STK32A: variants seen among roughly 807,000 people sequenced by gnomAD.
STK32A encodes the protein serine/threonine-protein kinase 32A.
A neutral mutation model predicts 53.2 loss-of-function variants in STK32A; 41 were observed. The ratio of observed to expected loss-of-function variants is 0.77; its 90% confidence interval spans 0.60 to 1.00. STK32A has a LOEUF of 1.00. STK32A is among the 50% of genes least tolerant of loss of function. The probability of loss-of-function intolerance (pLI) is 0.00; values close to 1 mark genes in which losing one functional copy is unlikely to be tolerated. For synonymous variants in STK32A, 166 were observed against 162.8 expected, an observed-to-expected ratio of 1.02 and a Z score of -0.15; for missense variants, 458 against 485.8, an observed-to-expected ratio of 0.94 and a Z score of 0.54.
chr5:147,300,916 A>C (rs1259303092), intron 4 of STK32A, among the ~76,000 whole-genome samples: 1 of 152,226 alleles, frequency 6.6e-6, no homozygotes, highest in Non-Finnish European at 1.5e-5. Context: ...GACTTTACAC[A>C]ACAACTGAGT....
chr5:147,323,748 G>C, intron 4 of STK32A, 150 bp from the exon 5 acceptor site: 1 of 607,282 alleles, frequency 1.6e-6, no homozygotes, highest in Non-Finnish European at 2.9e-6. Flanking sequence ...AAGGCCTAAG[G>C]TGATAGAGCT....
intron 4 of STK32A, among the ~76,000 whole-genome samples, chr5:147,298,560 T>C (rs1447891728): frequency 6.6e-6 from 1 of 152,224 alleles, no homozygotes; most frequent in Admixed American, 6.5e-5. Context: ...GCATTTCTAA[T>C]GGTGGATCTC....
chr5:147,336,340 C>T (rs185226557), intron 5 of STK32A, among the ~76,000 whole-genome samples: 107 of 152,052 alleles, frequency 7.0e-4, no homozygotes, highest in Non-Finnish European at 1.2e-3. Context: ...CCCTCATCCC[C>T]CACCCCTTCC....
chr5:147,379,836 G>T (rs1386652709), intron 11 of STK32A, among the ~76,000 whole-genome samples: 2 of 152,050 alleles, frequency 1.3e-5, no homozygotes, highest in Non-Finnish European at 2.9e-5. Flanking sequence ...TGATATGTGA[G>T]TCCTAAGATT....
downstream of STK32A, chr5:147,392,777 C>T (rs1309827674): frequency 6.6e-6 from 1 of 152,166 alleles, no homozygotes; most frequent in Admixed American, 6.5e-5. Flanking sequence ...ACAAAGTTCC[C>T]CCAGAGTTTC....
intron 2 of STK32A, among the ~76,000 whole-genome samples, chr5:147,262,044 G>A (rs1754596144): frequency 6.6e-6 from 1 of 152,172 alleles, no homozygotes; most frequent in Admixed American, 6.5e-5. Context: ...CTGTACAAGA[G>A]TAGGTCTTGA....
At chr5:147,284,626 G>A (rs116480535) in intron 4 of STK32A, among the ~76,000 whole-genome samples, 8,583 of 148,858 alleles carry the variant, frequency 0.058, 304 homozygotes, top group South Asian at 0.095. Context: ...CAACCAAGTA[G>A]AGAACCAAAT....
chr5:147,307,261 G>C (rs80119331), intron 4 of STK32A, among the ~76,000 whole-genome samples: 6,317 of 151,758 alleles, frequency 0.042, 407 homozygotes, highest in East Asian at 0.21. Context: ...AAAATGTTTG[G>C]ACTTAATGTG....
chr5:147,337,567 G>A (rs900479651), intron 5 of STK32A, among the ~76,000 whole-genome samples: 3 of 152,082 alleles, frequency 2.0e-5, no homozygotes, highest in Admixed American at 6.6e-5. Flanking sequence ...AAACCAGGGG[G>A]CTGGGATTCA....
intron 11 of STK32A, among the ~76,000 whole-genome samples, chr5:147,376,400 C>T (rs1447868437): frequency 2.0e-5 from 3 of 152,124 alleles, no homozygotes; most frequent in Non-Finnish European, 4.4e-5. Context: ...CCCGCTTCTC[C>T]AGACTTGCTC....
Position 147,239,555 on chromosome 5 carries a change from T to C in STK32A, c.-80T>C. ...CTATCCTAGATATCCAACTAAGGCT[T>C]CGGGACATGTTTTGAGCGAAGATGG... On this transcript the variant is annotated 5_prime_UTR_variant, in exon 2 of 13. Coordinates refer to ENST00000397936, the MANE Select transcript of STK32A (RefSeq NM_001112724.2). 8.9e-7 allele frequency: 1 copy of C among 1,118,890 alleles called. No individual in the cohort carries two copies. Among genetic ancestry groups the C allele is most frequent in the Non-Finnish European group, 1.3e-6 (1 of 769,640 alleles). The allele number at this position is 1,118,890 out of a possible 1,614,324, so 69.3% of individuals were successfully genotyped here.
chr5:147,270,522 T>G (rs1754984572), intron 2 of STK32A, among the ~76,000 whole-genome samples: 2 of 152,188 alleles, frequency 1.3e-5, no homozygotes. Context: ...CTTTAAAAGT[T>G]TTTAAAATCA....
chr5:147,315,078 T>G (rs1424424823), intron 4 of STK32A, among the ~76,000 whole-genome samples: 2 of 152,096 alleles, frequency 1.3e-5, no homozygotes, highest in Admixed American at 6.6e-5. Context: ...AAATAACAAG[T>G]GTTGGAGAGG....
chr5:147,341,764 T>C (rs1163970237), intron 5 of STK32A, among the ~76,000 whole-genome samples: 1 of 152,208 alleles, frequency 6.6e-6, no homozygotes, highest in Admixed American at 6.5e-5. Flanking sequence ...AAGATAACTA[T>C]AGTTAGTAAC....
At chr5:147,379,808 G>A (rs1025309648) in intron 11 of STK32A, among the ~76,000 whole-genome samples, 2 of 152,064 alleles carry the variant, frequency 1.3e-5, no homozygotes, top group African/African-American at 4.8e-5. Context: ...TTTAATCAGT[G>A]TTTGCTCTGC....
intron 4 of STK32A, among the ~76,000 whole-genome samples, chr5:147,303,587 T>A (rs1160811349): frequency 6.6e-6 from 1 of 152,156 alleles, no homozygotes; most frequent in African/African-American, 2.4e-5. Context: ...AAGTCAACAT[T>A]GCAAAAAGCC....
intron 2 of STK32A, among the ~76,000 whole-genome samples, chr5:147,276,621 A>C (rs2151953647): frequency 6.6e-6 from 1 of 152,288 alleles, no homozygotes; most frequent in Middle Eastern, 3.4e-3. Context: ...CAACTACCTA[A>C]GCCAGGAATT....
intron 6 of STK32A, chr5:147,343,361 C>G: frequency 2.2e-6 from 1 of 451,384 alleles, no homozygotes; most frequent in Non-Finnish European, 4.1e-6. Flanking sequence ...CACGCAATCA[C>G]CTATTTTTTA....
Position 147,387,619 on chromosome 5 carries a change from G to T in STK32A, c.*3636G>T, listed in dbSNP as rs1757706632. ...TTCTGTACCCAGTTGTCCCTGTATT[G>T]TCTACATAAAATCCTGTTTCCTGCT... On this transcript the variant is annotated 3_prime_UTR_variant, in exon 13 of 13. Transcript: ENST00000397936. The T allele has an allele frequency of 6.6e-6, 1 of 152,166 alleles. No individual in the cohort carries two copies. The highest frequency in any genetic ancestry group is 2.4e-5 in the African/African-American group (1 of 41,430). 9.4% of individuals were successfully genotyped at this position (152,166 alleles called of 1,614,324 possible).
Sources: allele counts gnomAD v4.1 joint callset (sites outside exome capture counted in the v4.1 genomes callset), GRCh38; gene constraint gnomAD v4.1.1; transcripts MANE v1.5; gene names NCBI Gene and HGNC (gene_info 2026-07-23, HGNC 2026-07-21).